DNAI4: variants seen among roughly 807,000 people sequenced by gnomAD.
DNAI4 encodes WD repeat domain 78.
DNAI4 carries 85 observed loss-of-function variants against 105.8 expected under a neutral mutation model. The observed-to-expected ratio is 0.80, with a 90% CI of 0.67 to 0.96. The LOEUF is 0.96. Ranked by LOEUF, DNAI4 falls within the 40% of genes least tolerant of loss-of-function variation. DNAI4 has a pLI of 0.00. For missense variants in DNAI4, 1,014 were observed against 1,005.6 expected (o/e 1.01, Z -0.11); for synonymous variants, 352 against 331.5 (o/e 1.06, Z -0.67).
rs1569859491 is a variant in DNAI4 at position 66,905,526 on chromosome 1, A to T, written c.171-151T>A. 8.2e-6 allele frequency: 4 copies of T among 487,940 alleles called. No homozygotes were observed. The East Asian group carries it at 1.4e-4, about 16-fold the overall frequency. 30.2% of individuals were successfully genotyped at this position (487,940 alleles called of 1,614,324 possible). A position where few individuals can be genotyped will look rare whatever the true frequency, so the allele number is the denominator to read the frequency against. ...ATAACTATTTGAAATCTTATTATGT[A>T]TAAACATAGTTCTAAAGAGTTGGCA... On this transcript the variant is annotated intron_variant, in intron 1 of 16. Transcript: ENST00000371026.
At chr1:66,888,549 C>A (rs1376714371) in intron 4 of DNAI4, among the ~76,000 whole-genome samples, 1 of 152,126 alleles carries the variant, frequency 6.6e-6, no homozygotes, top group African/African-American at 2.4e-5. Flanking sequence ...AAAAATTAGC[C>A]AGGCATGGTG....
intron 1 of DNAI4, among the ~76,000 whole-genome samples, chr1:66,909,228 C>T (rs572429607): frequency 1.3e-4 from 19 of 150,650 alleles, no homozygotes; most frequent in African/African-American, 4.1e-4. Context: ...TTCATGTTTC[C>T]TTTAATTACA....
intron 7 of DNAI4, among the ~76,000 whole-genome samples, chr1:66,859,000 T>G (rs1185270606): frequency 4.6e-5 from 7 of 152,128 alleles, no homozygotes; most frequent in Admixed American, 3.3e-4. Context: ...AATTAGACTT[T>G]ATTTAAATTA....
chr1:66,844,045 C>A (rs1572634883), intron 8 of DNAI4, among the ~76,000 whole-genome samples: 2 of 100,958 alleles, frequency 2.0e-5, no homozygotes, highest in African/African-American at 4.0e-5. Flanking sequence ...AGAGTGGGAA[C>A]AACTCTTATT....
chr1:66,836,210 G>GAAAGAA lies in DNAI4; in HGVS notation c.1582-434_1582-433insTTCTTT, dbSNP rs1557908328. Among the ~76,000 whole-genome samples the GAAAGAA allele has an allele frequency of 8.4e-3, 381 of 45,276 alleles. 2 individuals are homozygous for GAAAGAA. The highest frequency in any genetic ancestry group is 0.032 in the South Asian group (35 of 1,100). The allele number at this position is 45,276 out of a possible 152,430, so 29.7% of individuals were successfully genotyped here. ...AAAGAAAGAAAGAAAGAAAGAAAGA[G>GAAAGAA]AGAGAGAGAGAGAGAGAGAGAGAGA... On this transcript the variant is annotated intron_variant, in intron 10 of 16. Transcript: ENST00000371026.
intron 4 of DNAI4, among the ~76,000 whole-genome samples, chr1:66,878,512 C>T (rs1163630558): frequency 6.6e-6 from 1 of 152,110 alleles, no homozygotes; most frequent in Admixed American, 6.6e-5. Flanking sequence ...GTGCTTGCTG[C>T]TTCTGGGGTA....
chr1:66,837,857 G>A (rs1572623560), intron 9 of DNAI4, 61 bp from the exon 10 acceptor site: 2 of 1,407,968 alleles, frequency 1.4e-6, no homozygotes, highest in East Asian at 2.5e-5. Context: ...ATTGGTAAAT[G>A]TATAAAGATA....
intron 1 of DNAI4, among the ~76,000 whole-genome samples, chr1:66,918,694 G>A (rs1650251669): frequency 6.6e-6 from 1 of 151,974 alleles, no homozygotes; most frequent in African/African-American, 2.4e-5. Context: ...ATGAGCTTTG[G>A]GACCTAACCC....
chr1:66,892,973 GAA>G lies in DNAI4; in HGVS notation c.530+254_530+255del, dbSNP rs60161134. Among the ~76,000 whole-genome samples the G allele has an allele frequency of 5.3e-4, 68 of 128,494 alleles. 2 individuals carry two copies. The highest frequency in any genetic ancestry group is 2.1e-3 in the African/African-American group (66 of 31,172). The allele number at this position is 128,494 out of a possible 152,430, so 84.3% of individuals were successfully genotyped here. A position where few individuals can be genotyped will look rare whatever the true frequency, so the allele number is the denominator to read the frequency against. ...GAGAAGAAAGAAAGAAAGAAAGAAAGAAAGAAAGAAAGAAAGAAAGAAAGAGA... is the reference window on the plus strand; with the variant it reads ...GAGAAGAAAGAAAGAAAGAAAGAAAGAGAAAGAAAGAAAGAAAGAAAGAGA... On this transcript the variant is annotated intron_variant, in intron 3 of 16. Transcript: ENST00000371026.
intron 8 of DNAI4, among the ~76,000 whole-genome samples, chr1:66,842,172 G>T (rs1438935585): frequency 2.0e-5 from 3 of 152,136 alleles, no homozygotes; most frequent in Non-Finnish European, 2.9e-5. Flanking sequence ...ACTTAGTGAT[G>T]AATAATATTC....
Position 66,813,962 on chromosome 1 carries a change from TA to T in DNAI4, c.*167del. ...TAAGAATAACTCTTAGATTGTAAAC[TA>T]ATCAAATATCTCTGAAATAAAAGTT... On this transcript the variant is annotated 3_prime_UTR_variant, in exon 17 of 17. Transcript: ENST00000371026. 1.8e-6 allele frequency: 1 copy of T among 546,440 alleles called. No homozygotes were observed. The highest frequency in any genetic ancestry group is 3.1e-6 in the Non-Finnish European group (1 of 320,060). The allele number at this position is 546,440 out of a possible 1,614,324, so 33.8% of individuals were successfully genotyped here.
intron 15 of DNAI4, among the ~76,000 whole-genome samples, chr1:66,824,975 C>T (rs1232618570): frequency 6.6e-6 from 1 of 152,152 alleles, no homozygotes; most frequent in Non-Finnish European, 1.5e-5. Flanking sequence ...GAAATTCCAG[C>T]CCGCCAGCCT....
At position 66,920,873 on chromosome 1, in the gene DNAI4, T is replaced by C. The variant is rs1456325690; in HGVS notation, c.170+3789A>G. Among the ~76,000 whole-genome samples the C allele has an allele frequency of 3.9e-5, 6 of 152,338 alleles. No homozygotes were observed. In the East Asian group the frequency reaches 5.8e-4, roughly 15 times the overall value. Reference sequence around the variant, plus strand: ...AACTGATGCCTTACACATTTACAACTAAACAGTAAACACAGCCTAATTCCT... The same window carrying C: ...AACTGATGCCTTACACATTTACAACCAAACAGTAAACACAGCCTAATTCCT... On this transcript the variant is annotated intron_variant, in intron 1 of 16. Coordinates refer to ENST00000371026, the MANE Select transcript of DNAI4 (RefSeq NM_024763.5).
chr1:66,891,418 GT>G, intron 3 of DNAI4, 152 bp from the exon 4 acceptor site: 4 of 559,424 alleles, frequency 7.2e-6, no homozygotes, highest in Non-Finnish European at 1.2e-5. Context: ...TAATGAGTTG[GT>G]TTTTAATATT....
At chr1:66,893,827 G>C (rs1648073039) in intron 2 of DNAI4, among the ~76,000 whole-genome samples, 1 of 152,092 alleles carries the variant, frequency 6.6e-6, no homozygotes, top group Admixed American at 6.5e-5. Context: ...ACCACAAAAT[G>C]ATTCAGTCAA....
intron 7 of DNAI4, among the ~76,000 whole-genome samples, chr1:66,860,049 G>A (rs1261005913): frequency 1.3e-5 from 2 of 151,058 alleles, no homozygotes; most frequent in African/African-American, 2.4e-5. Context: ...ATTAATAATA[G>A]GGGCCACTGT....
intron 4 of DNAI4, 48 bp downstream of exon 4, chr1:66,891,106 G>T: frequency 7.5e-7 from 1 of 1,332,456 alleles, no homozygotes; most frequent in Non-Finnish European, 1.1e-6. Flanking sequence ...TAAGCATATT[G>T]ACTAAATAAC....
Position 66,847,532 on chromosome 1 carries a change from T to C in DNAI4, c.1243A>G (p.Ile415Val), listed in dbSNP as rs1353955922. 6.2e-7 allele frequency: 1 copy of C among 1,613,582 alleles called. No individual in the cohort carries two copies. Among genetic ancestry groups the C allele is most frequent in the Non-Finnish European group, 8.5e-7 (1 of 1,179,902 alleles). ...TAAGCTGCAAGTTTGGGCTGAAATA[T>C]ATTTTCCATCAGAACCCGTTCCATA... ...FFMERVLMEN[I>V]FQPKLAAYRQ... The change falls in exon 8 of 17, where the codon ATA (isoleucine) becomes GTA (valine). Residue 415 changes from isoleucine (I) to valine (V), a missense_variant. Physicochemically the swap from Ile to Val is conservative, Grantham distance 29. Coordinates refer to ENST00000371026, the MANE Select transcript of DNAI4 (RefSeq NM_024763.5).
chr1:66,879,404 A>T (rs540556973), intron 4 of DNAI4, among the ~76,000 whole-genome samples: 1 of 152,210 alleles, frequency 6.6e-6, no homozygotes, highest in Non-Finnish European at 1.5e-5. Flanking sequence ...TTATATGGAC[A>T]TGCTATTGTT....
Sources: allele counts gnomAD v4.1 joint callset (sites outside exome capture counted in the v4.1 genomes callset), GRCh38; gene constraint gnomAD v4.1.1; transcripts MANE v1.5; gene names NCBI Gene and HGNC (gene_info 2026-07-23, HGNC 2026-07-21).